Variants in LRRC3B observed in about 807,000 individuals in gnomAD.
LRRC3B encodes the protein leucine-rich repeat-containing protein 3B.
Under a neutral mutation model 12.8 loss-of-function variants are expected in LRRC3B, and 2 were observed. The observed-to-expected ratio is 0.16, with a 90% confidence interval of 0.06 to 0.49. The LOEUF (loss-of-function observed/expected upper bound fraction) is 0.49, where lower values mean the gene tolerates loss of function less well. LRRC3B is among the 20% of genes least tolerant of loss of function. The pLI, the probability that LRRC3B is intolerant of heterozygous loss-of-function variation, is 0.96. For missense variants in LRRC3B, 189 were observed against 319.4 expected (o/e 0.59, Z 3.11); for synonymous variants, 132 against 122.0 (o/e 1.08, Z -0.54).
intron 1 of LRRC3B, among the ~76,000 whole-genome samples, chr3:26,644,019 G>C (rs1050478310): frequency 6.6e-6 from 1 of 152,182 alleles, no homozygotes; most frequent in African/African-American, 2.4e-5. Context: ...GGTGTGAAAG[G>C]TGATTTAGAT....
At chr3:26,701,600 A>G (rs1700456264) in intron 1 of LRRC3B, among the ~76,000 whole-genome samples, 1 of 152,082 alleles carries the variant, frequency 6.6e-6, no homozygotes, top group Non-Finnish European at 1.5e-5. Context: ...ATAGTTTCCC[A>G]TCCCTTATTG....
At chr3:26,644,254 A>C (rs1575121832) in intron 1 of LRRC3B, among the ~76,000 whole-genome samples, 1 of 152,348 alleles carries the variant, frequency 6.6e-6, no homozygotes, top group Non-Finnish European at 1.5e-5. Context: ...GGAAGCACTA[A>C]CTTAATTGTG....
intron 1 of LRRC3B, among the ~76,000 whole-genome samples, chr3:26,681,675 C>T (rs1397144227): frequency 6.6e-6 from 1 of 152,136 alleles, no homozygotes; most frequent in African/African-American, 2.4e-5. Context: ...AAATGTCAGC[C>T]ACTACAATTA....
chr3:26,709,671 G>C lies in LRRC3B; in HGVS notation c.-2G>C, dbSNP rs777039795. The C allele has an allele frequency of 3.1e-6, 5 of 1,612,244 alleles. No homozygotes were observed. In the East Asian group the frequency reaches 8.9e-5, roughly 29 times the overall value. On this transcript the variant is annotated 5_prime_UTR_variant, in exon 2 of 2. Transcript: ENST00000396641. ...GGCTCGTGATTATGCTGACATTCCA[G>C]CATGAATCTGGTAGACCTGTGGTTA...
intron 1 of LRRC3B, among the ~76,000 whole-genome samples, chr3:26,646,075 T>G (rs1699137390): frequency 6.6e-6 from 1 of 152,190 alleles, no homozygotes; most frequent in Admixed American, 6.5e-5. Context: ...GCAGACATTC[T>G]CTATACACTT....
intron 1 of LRRC3B, among the ~76,000 whole-genome samples, chr3:26,639,120 G>C (rs1439646110): frequency 6.6e-6 from 1 of 152,094 alleles, no homozygotes; most frequent in African/African-American, 2.4e-5. Context: ...GAGCTGCACT[G>C]TTCAATACAA....
intron 1 of LRRC3B, among the ~76,000 whole-genome samples, chr3:26,649,120 TGAGAA>T: frequency 6.6e-6 from 1 of 152,338 alleles, no homozygotes; most frequent in East Asian, 1.9e-4. Context: ...CTTATTTTCT[TGAGAA>T]AAGAATTAGA....
At chr3:26,707,970 C>T (rs17018571) in intron 1 of LRRC3B, among the ~76,000 whole-genome samples, 12,411 of 152,172 alleles carry the variant, frequency 0.082, 1,692 homozygotes, top group African/African-American at 0.28. Flanking sequence ...TCCAAAAGCA[C>T]GTCTGCTCCA....
rs1161960755 is a variant in LRRC3B at position 26,671,350 on chromosome 3, G to GTATATATATATATATA, written c.-160-38154_-160-38139dup. Among the ~76,000 whole-genome samples, 28 of 56,748 alleles carry GTATATATATATATATA rather than the reference G, an allele frequency of 4.9e-4. 2 individuals carry two copies. The highest frequency in any genetic ancestry group is 2.1e-3 in the African/African-American group (25 of 12,050). The allele number at this position is 56,748 out of a possible 152,430, so 37.2% of individuals were successfully genotyped here. A position where few individuals can be genotyped will look rare whatever the true frequency, so the allele number is the denominator to read the frequency against. ...TATAAATGTGTGTGTATATATGTGTGTATATATATATATATATATATATAG... is the reference window on the plus strand; with the variant it reads ...TATAAATGTGTGTGTATATATGTGTGTATATATATATATATATATATATATATATATATATATATAG... On this transcript the variant is annotated intron_variant, in intron 1 of 1. Coordinates refer to ENST00000396641, the Ensembl canonical transcript of LRRC3B.
intron 1 of LRRC3B, among the ~76,000 whole-genome samples, chr3:26,689,345 GGTTCA>G (rs1173477617): frequency 6.6e-6 from 1 of 152,128 alleles, no homozygotes; most frequent in Non-Finnish European, 1.5e-5. Flanking sequence ...TAGCATCACA[GGTTCA>G]GTAACAGTGC....
At chr3:26,683,117 T>A (rs1326573130) in intron 1 of LRRC3B, among the ~76,000 whole-genome samples, 1 of 151,920 alleles carries the variant, frequency 6.6e-6, no homozygotes, top group Non-Finnish European at 1.5e-5. Flanking sequence ...ATGGGAGGAG[T>A]TTAGGAAAGG....
At chr3:26,689,879 C>G (rs1419425331) in intron 1 of LRRC3B, among the ~76,000 whole-genome samples, 1 of 152,216 alleles carries the variant, frequency 6.6e-6, no homozygotes, top group Non-Finnish European at 1.5e-5. Flanking sequence ...TCTGCTCTGT[C>G]CAGTCCTCCC....
intron 1 of LRRC3B, among the ~76,000 whole-genome samples, chr3:26,685,526 TA>T (rs1700066336): frequency 5.3e-5 from 1 of 18,952 alleles, no homozygotes; most frequent in Non-Finnish European, 1.0e-4. Context: ...TCTCTCTCTA[TA>T]TATATATATA....
At chr3:26,655,745 CAGAA>C (rs1366435269) in intron 1 of LRRC3B, among the ~76,000 whole-genome samples, 1 of 152,104 alleles carries the variant, frequency 6.6e-6, no homozygotes, top group Admixed American at 6.5e-5. Context: ...GTCATGGTGA[CAGAA>C]ATGCTCAGTA....
At chr3:26,674,210 A>T (rs1387178663) in intron 1 of LRRC3B, among the ~76,000 whole-genome samples, 1 of 152,222 alleles carries the variant, frequency 6.6e-6, no homozygotes, top group African/African-American at 2.4e-5. Context: ...ATCAATGGAG[A>T]AGATCCTTCT....
At chr3:26,639,847 T>C (rs1343441676) in intron 1 of LRRC3B, among the ~76,000 whole-genome samples, 36 of 152,200 alleles carry the variant, frequency 2.4e-4, no homozygotes, top group Non-Finnish European at 5.3e-4. Context: ...AGAATCCTTT[T>C]GTGTGACCCT....
At chr3:26,696,749 G>A (rs374809827) in intron 1 of LRRC3B, among the ~76,000 whole-genome samples, 10 of 152,162 alleles carry the variant, frequency 6.6e-5, no homozygotes, top group African/African-American at 2.4e-4. Flanking sequence ...ATCATCCCTA[G>A]ATCATAATTT....
chr3:26,686,299 T>G (rs62247437), intron 1 of LRRC3B, among the ~76,000 whole-genome samples: 4 of 152,180 alleles, frequency 2.6e-5, no homozygotes, highest in Non-Finnish European at 4.4e-5. Context: ...CAGGATTGTC[T>G]CGATCTCCTG....
intron 1 of LRRC3B, among the ~76,000 whole-genome samples, chr3:26,689,164 G>T (rs1700142856): frequency 1.3e-5 from 2 of 152,178 alleles, no homozygotes; most frequent in Admixed American, 6.5e-5. Flanking sequence ...GGTTGAAAAT[G>T]ATGTCTTTTC....
Sources: allele counts gnomAD v4.1 joint callset (sites outside exome capture counted in the v4.1 genomes callset), GRCh38; gene constraint gnomAD v4.1.1; transcripts MANE v1.5; gene names NCBI Gene and HGNC (gene_info 2026-07-23, HGNC 2026-07-21).